The following USHBP1 variants were observed in gnomAD, a reference collection of about 807,000 sequenced individuals.
USHBP1 encodes harmonin-binding protein USHBP1.
USHBP1 carries 67 observed loss-of-function variants against 76.2 expected under a neutral mutation model. The observed-to-expected ratio is 0.88, with a 90% CI of 0.72 to 1.08. The LOEUF is 1.08. USHBP1 is among the 50% of genes least tolerant of loss of function. The pLI, the probability that USHBP1 is intolerant of heterozygous loss-of-function variation, is 0.00. For missense variants in USHBP1, 931 were observed against 915.0 expected (o/e 1.02, Z -0.23); for synonymous variants, 322 against 362.2 (o/e 0.89, Z 1.26).
rs1045220158 is a variant in USHBP1, at chr19:17,249,765, T to C, written c.*460A>G. ...CCTCCCAAAATGCTGGGATTACAGA[T>C]GTGCACCACTGAGCCCGGCCCCCTT... On this transcript the variant is annotated 3_prime_UTR_variant, in exon 13 of 13. Coordinates refer to ENST00000252597, the MANE Select transcript of USHBP1 (RefSeq NM_031941.4). The C allele has an allele frequency of 5.9e-6, 1 of 169,724 alleles. No individual in the cohort carries two copies. Among genetic ancestry groups the C allele is most frequent in the African/African-American group, 2.4e-5 (1 of 41,556 alleles). 10.5% of individuals were successfully genotyped at this position (169,724 alleles called of 1,614,324 possible). A position where few individuals can be genotyped will look rare whatever the true frequency, so the allele number is the denominator to read the frequency against.
At position 17,262,593 on chromosome 19, in the gene USHBP1, G is replaced by C. The variant is rs1156372948; in HGVS notation, c.601C>G (p.Leu201Val). 6.2e-7 allele frequency: 1 copy of C among 1,612,760 alleles called. No homozygotes were observed. Among genetic ancestry groups the C allele is most frequent in the Admixed American group, 1.7e-5 (1 of 59,990 alleles). The change falls in exon 4 of 13, where the codon CTG (leucine) becomes GTG (valine). Residue 201 changes from leucine to valine, a missense_variant. Transcript: ENST00000252597. ...EDELVRTQASLEAIRAEKETL... is the reference protein window; with the variant it reads ...EDELVRTQASVEAIRAEKETL... ...TCCTTCTCAGCTCGGATGGCCTCCA[G>C]GGAGGCCTGCGTGCGGACCAGCTCA...
In USHBP1 at chr19:17,262,936, T is replaced by G; in HGVS notation, c.258A>C (p.Glu86Asp). The change falls in exon 4 of 13, where the codon GAA becomes GAC. Residue 86 changes from glutamate to aspartate, a missense_variant. Glu to Asp is a conservative substitution (Grantham distance 45). Coordinates refer to ENST00000252597, the MANE Select transcript of USHBP1 (RefSeq NM_031941.4). ...GSGRELASAPEVPHKPAVEAH... is the reference protein window; with the variant it reads ...GSGRELASAPDVPHKPAVEAH... Reference sequence around the variant, plus strand: ...CTTCCACTGCAGGTTTGTGGGGCACTTCGGGGGCTGAGGCCAGTTCCCTGC... The same window carrying G: ...CTTCCACTGCAGGTTTGTGGGGCACGTCGGGGGCTGAGGCCAGTTCCCTGC... The G allele has an allele frequency of 3.2e-6, 5 of 1,546,546 alleles. No homozygotes were observed. The highest frequency in any genetic ancestry group is 4.4e-6 in the Non-Finnish European group (5 of 1,145,828).
Position 17,264,146 on chromosome 19 carries a change from T to C in USHBP1, c.59A>G (p.Glu20Gly). The change falls in exon 3 of 13, where the codon GAA becomes GGA. Residue 20 changes from glutamate to glycine, a missense_variant. Physicochemically the swap from Glu to Gly is moderately conservative, Grantham distance 98 (BLOSUM62 -2). Coordinates refer to ENST00000252597, the MANE Select transcript of USHBP1 (RefSeq NM_031941.4). ...SRRGRHAPPG[E>G]LDPVAESSEE... Reference sequence around the variant, plus strand: ...TGAACTCTCAGCCACGGGATCCAGTTCACCCTGCAAATGACCCCCGGGGCC... The same window carrying C: ...TGAACTCTCAGCCACGGGATCCAGTCCACCCTGCAAATGACCCCCGGGGCC... 6.2e-7 allele frequency: 1 copy of C among 1,613,434 alleles called. No homozygotes were observed. The highest frequency in any genetic ancestry group is 8.5e-7 in the Non-Finnish European group (1 of 1,179,600).
At position 17,256,612 on chromosome 19, in the gene USHBP1, T is replaced by C. The variant is rs981893335; in HGVS notation, c.1329A>G (p.Ser443=). 6.2e-7 allele frequency: 1 copy of C among 1,614,206 alleles called. No homozygotes were observed. Among genetic ancestry groups the C allele is most frequent in the East Asian group, 2.2e-5 (1 of 44,886 alleles). Residue 443 remains serine, a synonymous_variant, in exon 9 of 13, where the codon TCA becomes TCG. Coordinates refer to ENST00000252597, the MANE Select transcript of USHBP1 (RefSeq NM_031941.4). ...TGGGTGCCAAGGTGGGGCCAGGCTCTGAGAGAATCTTCATTAGAGAACGGC... is the reference window on the plus strand; with the variant it reads ...TGGGTGCCAAGGTGGGGCCAGGCTCCGAGAGAATCTTCATTAGAGAACGGC... ...QERRSLMKIL[S]EPGPTLAPMP...
At position 17,264,262 on chromosome 19, in the gene USHBP1, C is replaced by T; in HGVS notation, c.38G>A (p.Gly13Glu). ...ARATRPRSRR[G>E]RHAPPGELDP... ...GACACTTACGGGTGGAGCATGCCTC[C>T]CTCGCCGGCTTCGGGGCCGCGTGGC... The change falls in exon 2 of 13, where the codon GGG (glycine) becomes GAG (glutamate). Residue 13 changes from glycine (G) to glutamate (E), a missense_variant. By Grantham distance (98) the Gly-to-Glu change is moderately conservative (BLOSUM62 -2). Transcript: ENST00000252597. The T allele has an allele frequency of 1.2e-6, 2 of 1,613,866 alleles. No homozygotes were observed. Among genetic ancestry groups the T allele is most frequent in the African/African-American group, 1.3e-5 (1 of 75,062 alleles).
At chr19:17,258,158 C>T in intron 8 of USHBP1, 54 bp downstream of exon 8, 2 of 1,607,382 alleles carry the variant, frequency 1.2e-6, no homozygotes, top group Non-Finnish European at 1.7e-6. Flanking sequence ...CCCCATCCCC[C>T]AGTCAAGACC....
chr19:17,262,693 C>G lies in USHBP1; in HGVS notation c.501G>C (p.Gly167=), dbSNP rs761354242. 4 of 1,614,172 alleles carry G rather than the reference C, an allele frequency of 2.5e-6. No homozygotes were observed. Among genetic ancestry groups the G allele is most frequent in the South Asian group, 2.2e-5 (2 of 91,086 alleles). ...GGCGAGCTGCCTCTCGCTGGCAGCT[C>G]CCTGCCCCTTCCTGCTTCCCAAGGG... ...AGSLGKQEGA[G]SCQREAARLA... is the part of the protein sequence containing the mutation. Residue 167 remains glycine (G), a synonymous_variant, in exon 4 of 13, where the codon GGG becomes GGC. Transcript: ENST00000252597.
Position 17,256,701 on chromosome 19 carries a change from C to A in USHBP1, c.1240G>T (p.Asp414Tyr). 6.2e-7 allele frequency: 1 copy of A among 1,614,188 alleles called. No homozygotes were observed. The highest frequency in any genetic ancestry group is 8.5e-7 in the Non-Finnish European group (1 of 1,180,032). Residue 414 changes from aspartate to tyrosine, a missense_variant, in exon 9 of 13, where the codon GAT (aspartate) becomes TAT (tyrosine). By Grantham distance (160) the Asp-to-Tyr change is radical. Transcript: ENST00000252597. Reference protein sequence around the residue: ...PQPSPEGSSVDKPTPQEVAFQ... With the variant: ...PQPSPEGSSVYKPTPQEVAFQ... ...GCCACTTCCTGTGGGGTGGGCTTAT[C>A]CACACTGCTGCCTTCAGGGCTATAG...
intron 10 of USHBP1, among the ~76,000 whole-genome samples, chr19:17,253,199 A>C (rs190907874): frequency 1.5e-3 from 229 of 151,746 alleles, no homozygotes; most frequent in African/African-American, 5.4e-3. Context: ...CGATCTCCTG[A>C]CCTCGTGATC....
chr19:17,259,379 T>C lies in USHBP1; in HGVS notation c.956A>G (p.Gln319Arg). The C allele has an allele frequency of 6.2e-7, 1 of 1,614,188 alleles. No homozygotes were observed. The highest frequency in any genetic ancestry group is 8.5e-7 in the Non-Finnish European group (1 of 1,180,032). Residue 319 changes from glutamine (Q) to arginine (R), a missense_variant, in exon 7 of 13, where the codon CAG becomes CGG. By Grantham distance (43) the Gln-to-Arg change is conservative. Transcript: ENST00000252597. ...GCCTTCACAGCGGCCCTTGTATCCC[T>C]GTAGCACAGCTGATAGCAGACGATT... ...CFNRLLSAVL[Q>R]GYKGRCEGLS...
rs746084678 is a variant in USHBP1, at chr19:17,262,850, G to A, written c.344C>T (p.Ala115Val). The change falls in exon 4 of 13, where the codon GCC (alanine) becomes GTC (valine). Residue 115 changes from alanine (A) to valine (V), a missense_variant. Ala to Val is a moderately conservative substitution (Grantham distance 64, BLOSUM62 0). Transcript: ENST00000252597. ...YKETVPPGNG[A>V]PDVFQTLQHT... ...CTGGAGGGTCTGAAACACATCGGGG[G>A]CCCCATTCCCAGGGGGCACAGTCTC... The A allele has an allele frequency of 6.2e-7, 1 of 1,613,322 alleles. No homozygotes were observed. The highest frequency in any genetic ancestry group is 1.1e-5 in the South Asian group (1 of 91,056).
intron 4 of USHBP1, 90 bp from the exon 5 acceptor site, chr19:17,260,112 G>T: frequency 6.8e-7 from 1 of 1,469,862 alleles, no homozygotes; most frequent in Non-Finnish European, 9.0e-7. Flanking sequence ...GAAGTGGCAA[G>T]AACCCTAGCT....
At position 17,262,971 on chromosome 19, in the gene USHBP1, C is replaced by T. The variant is rs201280172; in HGVS notation, c.223G>A (p.Gly75Arg). 1.7e-4 allele frequency: 260 copies of T among 1,521,100 alleles called. No individual in the cohort carries two copies. The highest frequency in any genetic ancestry group is 1.8e-4 in the Middle Eastern group (1 of 5,606). 94.2% of individuals were successfully genotyped at this position (1,521,100 alleles called of 1,614,324 possible). ...GAGGCCAGTTCCCTGCCAGAGCCCCCATCCATCTTCTTGTCAGTCCTGTGG... is the reference window on the plus strand; with the variant it reads ...GAGGCCAGTTCCCTGCCAGAGCCCCTATCCATCTTCTTGTCAGTCCTGTGG... ...LGSRTDKKMD[G>R]GSGRELASAP... is the part of the protein sequence containing the mutation. The change falls in exon 4 of 13, where the codon GGG becomes AGG. Residue 75 changes from glycine to arginine, a missense_variant. Physicochemically the swap from Gly to Arg is moderately radical, Grantham distance 125. Transcript: ENST00000252597.
Position 17,258,241 on chromosome 19 carries a change from A to C in USHBP1, c.1191T>G (p.Asp397Glu). ...GCTGTGGATTCTGCTGTGCTCCTGC[A>C]TCCATGGCAGCCTCCTCTTGTGCCA... ...RLLAQEEAAMDAGAQQNPQPS... is the reference protein window; with the variant it reads ...RLLAQEEAAMEAGAQQNPQPS... The change falls in exon 8 of 13, where the codon GAT becomes GAG. Residue 397 changes from aspartate to glutamate, a missense_variant. Asp to Glu is a conservative substitution (Grantham distance 45). Coordinates refer to ENST00000252597, the MANE Select transcript of USHBP1 (RefSeq NM_031941.4). 1 of 1,614,044 alleles carries C rather than the reference A, an allele frequency of 6.2e-7. No homozygotes were observed. Among genetic ancestry groups the C allele is most frequent in the Non-Finnish European group, 8.5e-7 (1 of 1,180,026 alleles).
intron 10 of USHBP1, among the ~76,000 whole-genome samples, chr19:17,254,420 C>T (rs896732025): frequency 6.6e-6 from 1 of 151,754 alleles, no homozygotes; most frequent in Non-Finnish European, 1.5e-5. Context: ...CTTTGGGAGG[C>T]TGAGGCGGGC....
Position 17,251,965 on chromosome 19 carries a change from C to T in USHBP1, c.1745G>A (p.Gly582Asp). The change falls in exon 11 of 13, where the codon GGC (glycine) becomes GAC (aspartate). Residue 582 changes from glycine to aspartate, a missense_variant. Physicochemically the swap from Gly to Asp is moderately conservative, Grantham distance 94. Transcript: ENST00000252597. ...TAACTTCTCTGGGTCCCAGGCTCTG[C>T]CCACCTGGCCACCATCAATGCCACT... ...GTSGIDGGQV[G>D]RAWDPEKLAQ... 2 of 1,549,306 alleles carry T rather than the reference C, an allele frequency of 1.3e-6. No homozygotes were observed. The highest frequency in any genetic ancestry group is 1.7e-6 in the Non-Finnish European group (2 of 1,147,338).
At chr19:17,259,762 C>T in intron 5 of USHBP1, 30 bp from the exon 6 acceptor site, 3 of 1,588,616 alleles carry the variant, frequency 1.9e-6, no homozygotes, top group Non-Finnish European at 1.7e-6. Context: ...TAACTGACCC[C>T]AATTGTCACC....
chr19:17,263,726 G>A (rs2073718415), intron 3 of USHBP1: 2 of 358,326 alleles, frequency 5.6e-6, no homozygotes, highest in Non-Finnish European at 1.0e-5. Context: ...GCAAAACTTA[G>A]CCGGATGTGG....
intron 10 of USHBP1, among the ~76,000 whole-genome samples, chr19:17,252,850 G>A (rs2073568863): frequency 6.6e-6 from 1 of 151,332 alleles, no homozygotes; most frequent in Admixed American, 6.6e-5. Flanking sequence ...TCGCAGCACT[G>A]CACTCTAGCC....
Sources: allele counts gnomAD v4.1 joint callset (sites outside exome capture counted in the v4.1 genomes callset), GRCh38; gene constraint gnomAD v4.1.1; transcripts MANE v1.5; gene names NCBI Gene and HGNC (gene_info 2026-07-23, HGNC 2026-07-21).